Variants in PCMTD1 observed in about 807,000 individuals in gnomAD.
The protein encoded by PCMTD1 is protein-L-isoaspartate (D-aspartate) O-methyltransferase domain containing 1, also known as protein-L-isoaspartate O-methyltransferase domain-containing protein 1.
PCMTD1 carries 12 observed loss-of-function variants against 37.6 expected under a neutral mutation model. The ratio of observed to expected loss-of-function variants is 0.32; its 90% confidence interval spans 0.20 to 0.52. The LOEUF is 0.52. Ranked by LOEUF, PCMTD1 falls within the 20% of genes least tolerant of loss-of-function variation. PCMTD1 has a pLI of 0.97. For synonymous variants in PCMTD1, 117 were observed against 135.8 expected, an observed-to-expected ratio of 0.86 and a Z score of 0.96; for missense variants, 235 against 421.3, an observed-to-expected ratio of 0.56 and a Z score of 3.87.
At chr8:51,897,602 GCAATACGTAAACATATTAAT>G (rs2039025217) in intron 1 of PCMTD1, among the ~76,000 whole-genome samples, 1 of 152,126 alleles carries the variant, frequency 6.6e-6, no homozygotes, top group African/African-American at 2.4e-5. Flanking sequence ...CTACCATTAA[GCAATACGTAAACATATTAAT>G]CTGCTTAATA....
chr8:51,860,566 A>G (rs551613169), intron 2 of PCMTD1: 17 of 281,552 alleles, frequency 6.0e-5, no homozygotes, highest in African/African-American at 3.7e-4. Context: ...TAGATTAAAT[A>G]TTACTCCTGA....
chr8:51,878,250 G>GTTTTTTTT lies in PCMTD1; in HGVS notation c.-95-17012_-95-17005dup, dbSNP rs375362623. Among the ~76,000 whole-genome samples the GTTTTTTTT allele has an allele frequency of 9.3e-5, 13 of 139,164 alleles. 2 individuals are homozygous for GTTTTTTTT. Among genetic ancestry groups the GTTTTTTTT allele is most frequent in the South Asian group, 4.4e-4 (2 of 4,550 alleles). 91.3% of individuals were successfully genotyped at this position (139,164 alleles called of 152,430 possible). A position where few individuals can be genotyped will look rare whatever the true frequency, so the allele number is the denominator to read the frequency against. On this transcript the variant is annotated intron_variant, in intron 1 of 5. Transcript: ENST00000522514. Reference sequence around the variant, plus strand: ...AAAATATTATGAGATTTTTTTTTTGGTTTTTTTTTTTTTTTAGCTCATCAG... The same window carrying GTTTTTTTT: ...AAAATATTATGAGATTTTTTTTTTGGTTTTTTTTTTTTTTTTTTTTTTTAGCTCATCAG...
intron 2 of PCMTD1, among the ~76,000 whole-genome samples, chr8:51,859,956 G>A (rs1474495918): frequency 6.6e-6 from 1 of 151,906 alleles, no homozygotes; most frequent in Non-Finnish European, 1.5e-5. Flanking sequence ...TTTAACGTAT[G>A]CCACACAGTA....
intron 5 of PCMTD1, 142 bp from the exon 6 acceptor site, chr8:51,820,860 C>G: frequency 9.7e-7 from 1 of 1,032,406 alleles, no homozygotes; most frequent in Non-Finnish European, 1.3e-6. Context: ...TTTCATCTAA[C>G]AAAGGTTTTG....
In PCMTD1 at chr8:51,817,912, G is replaced by A. The variant is rs1307842038; in HGVS notation, c.*2439C>T. ...TCAGGCAAAACATGCCACGGTTCTA[G>A]GTCTGTTTTCTCATCTGCAAAATAA... is the stretch of plus-strand genomic sequence containing the variant. On this transcript the variant is annotated 3_prime_UTR_variant, in exon 6 of 6. Transcript: ENST00000522514. 1 of 456,798 alleles carries A rather than the reference G, an allele frequency of 2.2e-6. No individual in the cohort carries two copies. Among genetic ancestry groups the A allele is most frequent in the Non-Finnish European group, 4.4e-6 (1 of 226,976 alleles). The allele number at this position is 456,798 out of a possible 1,614,324, so 28.3% of individuals were successfully genotyped here. A position where few individuals can be genotyped will look rare whatever the true frequency, so the allele number is the denominator to read the frequency against.
intron 5 of PCMTD1, among the ~76,000 whole-genome samples, chr8:51,825,012 C>T (rs955449908): frequency 5.3e-5 from 8 of 152,074 alleles, no homozygotes; most frequent in African/African-American, 1.9e-4. Flanking sequence ...TGAAACTGCA[C>T]CCCTTCCTTA....
chr8:51,842,560 A>G (rs1029258498), intron 3 of PCMTD1, among the ~76,000 whole-genome samples: 1 of 151,798 alleles, frequency 6.6e-6, no homozygotes, highest in African/African-American at 2.4e-5. Context: ...CCTGGACTCA[A>G]GCAATCTGCC....
chr8:51,888,857 A>T (rs1376184216), intron 1 of PCMTD1, among the ~76,000 whole-genome samples: 2 of 152,200 alleles, frequency 1.3e-5, no homozygotes, highest in African/African-American at 4.8e-5. Context: ...GAGGGTCATT[A>T]TGAGGAACAG....
intron 2 of PCMTD1, among the ~76,000 whole-genome samples, chr8:51,851,895 C>T (rs1429679095): frequency 6.6e-6 from 1 of 152,122 alleles, no homozygotes; most frequent in Non-Finnish European, 1.5e-5. Context: ...GGTGATCCGC[C>T]CGCCTCAGCC....
rs942377828 is a variant in PCMTD1 at position 51,897,523 on chromosome 8, TA to T, written c.-96+1406del. 2.5e-4 allele frequency among the ~76,000 whole-genome samples: 38 copies of T among 151,990 alleles called. 1 individual carries two copies. The highest frequency in any genetic ancestry group is 8.2e-4 in the African/African-American group (34 of 41,440). ...AAAATTTACTTAGAAAAAAATGAAA[TA>T]AAAAAAACCAAAAAGTAAACTAATT... On this transcript the variant is annotated intron_variant, in intron 1 of 5. Transcript: ENST00000522514.
At chr8:51,881,321 CTT>C (rs1162744182) in intron 1 of PCMTD1, among the ~76,000 whole-genome samples, 5 of 152,306 alleles carry the variant, frequency 3.3e-5, no homozygotes, top group Admixed American at 6.5e-5. Flanking sequence ...AGCAATATCT[CTT>C]GTGTTTATTT....
At chr8:51,880,688 C>A (rs2038778731) in intron 1 of PCMTD1, among the ~76,000 whole-genome samples, 1 of 152,170 alleles carries the variant, frequency 6.6e-6, no homozygotes, top group Non-Finnish European at 1.5e-5. Context: ...GATTTTATGT[C>A]TACTTTGCTT....
At chr8:51,823,980 T>G (rs1432141530) in intron 5 of PCMTD1, among the ~76,000 whole-genome samples, 2 of 152,164 alleles carry the variant, frequency 1.3e-5, no homozygotes, top group Non-Finnish European at 2.9e-5. Flanking sequence ...GAAAAGGCCT[T>G]TGACAAAATT....
intron 3 of PCMTD1, chr8:51,845,363 T>C (rs1160282796): frequency 3.3e-5 from 8 of 245,318 alleles, no homozygotes; most frequent in Non-Finnish European, 5.6e-5. Context: ...CAGACAAATA[T>C]TGCAATCACA....
Position 51,866,524 on chromosome 8 carries a change from T to C in PCMTD1, c.-95-5278A>G, listed in dbSNP as rs116666238. On this transcript the variant is annotated intron_variant, in intron 1 of 5. Transcript: ENST00000522514. The stretch of plus-strand genomic sequence containing the variant: ...AACAAGGATACCAAGAACACACCAT[T>C]AAGAAAGCACAGTCTCTTCAATAAG... Among the ~76,000 whole-genome samples, 551 of 151,822 alleles carry C rather than the reference T, an allele frequency of 3.6e-3. 2 individuals carry two copies. The highest frequency in any genetic ancestry group is 0.013 in the African/African-American group (535 of 41,486).
In PCMTD1 at chr8:51,817,848, G is replaced by A. The variant is rs1299545694; in HGVS notation, c.*2503C>T. The stretch of plus-strand genomic sequence containing the variant: ...GATTCTTGGGATTGATCTGATGCTA[G>A]AAGCTATCTTAGGCCCTGTCTCTAA... On this transcript the variant is annotated 3_prime_UTR_variant, in exon 6 of 6. Coordinates refer to ENST00000522514, the MANE Select transcript of PCMTD1 (RefSeq NM_052937.4). 8.8e-6 allele frequency: 4 copies of A among 456,662 alleles called. No individual in the cohort carries two copies. The highest frequency in any genetic ancestry group is 1.5e-5 in the South Asian group (1 of 64,578). 28.3% of individuals were successfully genotyped at this position (456,662 alleles called of 1,614,324 possible).
chr8:51,883,013 T>C (rs1326800524), intron 1 of PCMTD1, among the ~76,000 whole-genome samples: 1 of 148,016 alleles, frequency 6.8e-6, no homozygotes, highest in Non-Finnish European at 1.5e-5. Context: ...GGTGGGCGCC[T>C]GTAGTCCCAG....
upstream of PCMTD1, chr8:51,899,055 C>T (rs10092061): frequency 8.8e-3 from 13,159 of 1,502,670 alleles, 915 homozygotes; most frequent in African/African-American, 0.15. Context: ...GGGGCCCGGA[C>T]CCGCGACTGG....
At position 51,845,765 on chromosome 8, in the gene PCMTD1, T is replaced by G. The variant is rs1336621803; in HGVS notation, c.308-2A>C. 6.2e-7 allele frequency: 1 copy of G among 1,605,872 alleles called. No homozygotes were observed. ...TCCCATGATTTATTCCAAAAGGACC[T>G]GCAATCGTAGCAGCATTTTTATAAA... On this transcript the variant is annotated splice_acceptor_variant, in intron 2 of 5. Transcript: ENST00000522514. LOFTEE classifies it high-confidence loss of function.
Sources: gnomAD v4.1 joint callset for allele counts (sites outside exome capture counted in the v4.1 genomes callset) on GRCh38, gnomAD v4.1.1 for gene constraint, MANE v1.5 for transcripts, NCBI Gene and HGNC (gene_info 2026-07-23, HGNC 2026-07-21) for gene names.